The following CFAP299 variants were observed in gnomAD, a reference collection of about 807,000 sequenced individuals.
CFAP299 encodes the protein cilia- and flagella-associated protein 299.
CFAP299 carries 21 observed loss-of-function variants against 27.0 expected under a neutral mutation model. The observed-to-expected ratio is 0.78, with a 90% CI of 0.55 to 1.12. CFAP299 has a LOEUF of 1.12. CFAP299 is among the 50% of genes most tolerant of loss of function. The pLI is 0.00. For synonymous variants in CFAP299, 104 were observed against 98.1 expected, an observed-to-expected ratio of 1.06 and a Z score of -0.36; for missense variants, 310 against 276.6, an observed-to-expected ratio of 1.12 and a Z score of -0.86.
chr4:80,356,816 A>G (rs1393782441), intron 1 of CFAP299, among the ~76,000 whole-genome samples: 2 of 151,898 alleles, frequency 1.3e-5, no homozygotes, highest in Non-Finnish European at 2.9e-5. Flanking sequence ...CCCTATTTCG[A>G]TATGCTTTAT....
At chr4:80,909,665 A>T (rs1735369342) in intron 4 of CFAP299, among the ~76,000 whole-genome samples, 1 of 151,898 alleles carries the variant, frequency 6.6e-6, no homozygotes, top group Admixed American at 6.6e-5. Context: ...TTCCTTTTAT[A>T]AACTTTAAAC....
intron 2 of CFAP299, among the ~76,000 whole-genome samples, chr4:80,512,609 C>T (rs770124358): frequency 2.0e-5 from 3 of 152,032 alleles, no homozygotes; most frequent in Non-Finnish European, 2.9e-5. Flanking sequence ...ACATATGAAC[C>T]TCAGGAACTC....
chr4:80,414,075 T>C (rs9942178), intron 2 of CFAP299, among the ~76,000 whole-genome samples: 70 of 5,854 alleles, frequency 0.012, 2 homozygotes, highest in East Asian at 0.12. Flanking sequence ...TTTTTTTTTT[T>C]TTTTTTTTTT....
chr4:80,524,679 C>T (rs963028160), intron 2 of CFAP299, among the ~76,000 whole-genome samples: 1 of 152,134 alleles, frequency 6.6e-6, no homozygotes, highest in Non-Finnish European at 1.5e-5. Context: ...GGGTCATTAC[C>T]ATTGCTTGTT....
intron 3 of CFAP299, among the ~76,000 whole-genome samples, chr4:80,834,702 C>T (rs1325624208): frequency 6.6e-6 from 1 of 152,118 alleles, no homozygotes; most frequent in Non-Finnish European, 1.5e-5. Flanking sequence ...TAAATTATCA[C>T]TAATCCTGGT....
intron 1 of CFAP299, among the ~76,000 whole-genome samples, chr4:80,354,468 T>C (rs1723161972): frequency 6.6e-6 from 1 of 152,224 alleles, no homozygotes; most frequent in Admixed American, 6.5e-5. Context: ...ATGACCTTTA[T>C]TTGAACTTTA....
intron 4 of CFAP299, among the ~76,000 whole-genome samples, chr4:80,939,345 C>T (rs144155598): frequency 6.6e-6 from 1 of 152,278 alleles, no homozygotes; most frequent in African/African-American, 2.4e-5. Context: ...GCAATGCAGG[C>T]TTTCTTCACT....
chr4:80,382,717 C>T (rs750542855), intron 2 of CFAP299, among the ~76,000 whole-genome samples: 26 of 152,040 alleles, frequency 1.7e-4, no homozygotes, highest in Admixed American at 9.8e-4. Flanking sequence ...ACTTATACAC[C>T]GTTGGGGGGA....
intron 2 of CFAP299, among the ~76,000 whole-genome samples, chr4:80,389,160 A>G (rs748866560): frequency 2.0e-5 from 3 of 152,240 alleles, no homozygotes; most frequent in Non-Finnish European, 4.4e-5. Flanking sequence ...TGGGTCATTT[A>G]TTATCTTTAT....
intron 3 of CFAP299, among the ~76,000 whole-genome samples, chr4:80,791,255 T>C (rs563212054): frequency 7.8e-4 from 118 of 151,862 alleles, no homozygotes; most frequent in African/African-American, 2.7e-3. Context: ...TCAGGAAAAA[T>C]ATATAAATCT....
chr4:80,598,781 C>T (rs940898401), intron 3 of CFAP299, among the ~76,000 whole-genome samples: 1 of 152,152 alleles, frequency 6.6e-6, no homozygotes, highest in Non-Finnish European at 1.5e-5. Flanking sequence ...CGTGTTTAAG[C>T]AAAGCTATTT....
At chr4:80,780,091 C>T (rs1236934442) in intron 3 of CFAP299, among the ~76,000 whole-genome samples, 1 of 151,854 alleles carries the variant, frequency 6.6e-6, no homozygotes, top group African/African-American at 2.4e-5. Context: ...TGCTTTGATT[C>T]ATACTTTTAT....
intron 3 of CFAP299, among the ~76,000 whole-genome samples, chr4:80,745,070 G>T (rs1346674605): frequency 6.6e-6 from 1 of 152,130 alleles, no homozygotes; most frequent in African/African-American, 2.4e-5. Context: ...ATAAAGAAAA[G>T]AAAATTGATG....
intron 3 of CFAP299, among the ~76,000 whole-genome samples, chr4:80,733,576 A>T (rs1322736877): frequency 1.3e-5 from 2 of 151,974 alleles, no homozygotes; most frequent in African/African-American, 4.8e-5. Context: ...CTTTTTTTGT[A>T]TCCATTAAGC....
intron 3 of CFAP299, among the ~76,000 whole-genome samples, chr4:80,627,500 C>T (rs1017593993): frequency 6.6e-6 from 1 of 151,654 alleles, no homozygotes; most frequent in African/African-American, 2.4e-5. Flanking sequence ...AGCAATTAGG[C>T]AAAAGAAAGA....
intron 3 of CFAP299, among the ~76,000 whole-genome samples, chr4:80,656,766 GTAC>G (rs1740579764): frequency 6.6e-6 from 1 of 152,084 alleles, no homozygotes; most frequent in Non-Finnish European, 1.5e-5. Context: ...GGGTCAAATG[GTAC>G]TTCTGGCTCT....
intron 2 of CFAP299, among the ~76,000 whole-genome samples, chr4:80,534,557 T>G (rs1439069853): frequency 6.6e-6 from 1 of 152,008 alleles, no homozygotes; most frequent in Non-Finnish European, 1.5e-5. Context: ...TTTGTTTCAT[T>G]TATGTACAGA....
In CFAP299 at chr4:80,357,275, C is replaced by T. The variant is rs183770756; in HGVS notation, c.112-5479C>T. Among the ~76,000 whole-genome samples, 6 of 152,288 alleles carry T rather than the reference C, an allele frequency of 3.9e-5. No individual in the cohort carries two copies. The East Asian group carries it at 9.6e-4, about 24-fold the overall frequency. On this transcript the variant is annotated intron_variant, in intron 1 of 5. Transcript: ENST00000358105. ...TGAGGATTTTTGCATGAATGTTCAT[C>T]AGTGATATTTGCCTGAAGTTTTCTT... is the stretch of plus-strand genomic sequence containing the variant.
At chr4:80,462,898 C>T (rs1729513542) in intron 2 of CFAP299, among the ~76,000 whole-genome samples, 1 of 151,960 alleles carries the variant, frequency 6.6e-6, no homozygotes, top group South Asian at 2.1e-4. Context: ...TAAAAAAAAT[C>T]ATATTACTTC....
Sources: allele counts gnomAD v4.1 joint callset (sites outside exome capture counted in the v4.1 genomes callset), GRCh38; gene constraint gnomAD v4.1.1; transcripts MANE v1.5; gene names NCBI Gene and HGNC (gene_info 2026-07-23, HGNC 2026-07-21).